Variants in RYR1 observed in about 807,000 individuals in gnomAD.
The protein encoded by RYR1 is ryanodine receptor 1.
A neutral mutation model predicts 583.5 loss-of-function variants in RYR1; 342 were observed. That is an observed-to-expected ratio of 0.59 (90% confidence interval 0.54 to 0.64). The LOEUF is 0.64. Ranked by LOEUF, RYR1 falls within the 30% of genes least tolerant of loss-of-function variation. The pLI, the probability that RYR1 is intolerant of heterozygous loss-of-function variation, is 0.00. For missense variants in RYR1, 6,032 were observed against 6,917.2 expected (o/e 0.87, Z 4.54); for synonymous variants, 2,791 against 2,822.5 (o/e 0.99, Z 0.35).
chr19:38,549,875 TTGTGTGTGTGTG>T (rs150566334), intron 89 of RYR1, among the ~76,000 whole-genome samples: 2,192 of 122,240 alleles, frequency 0.018, 54 homozygotes, highest in African/African-American at 0.057. Context: ...CCAGCTAAAT[TTGTGTGTGTGTG>T]TGTGTGTGTG....
chr19:38,526,837 G>T (rs560674539), intron 71 of RYR1, 156 bp from the exon 72 acceptor site: 2 of 720,240 alleles, frequency 2.8e-6, no homozygotes, highest in Admixed American at 4.3e-5. Flanking sequence ...TTCTGACCCC[G>T]TCAACCTCTG....
intron 67 of RYR1, among the ~76,000 whole-genome samples, chr19:38,521,064 C>T (rs1666125674): frequency 6.6e-6 from 1 of 151,972 alleles, no homozygotes; most frequent in African/African-American, 2.4e-5. Context: ...CACTTGAGCT[C>T]AGGAATTTGA....
At chr19:38,567,222 A>G (rs1973483814) in intron 92 of RYR1, among the ~76,000 whole-genome samples, 1 of 152,042 alleles carries the variant, frequency 6.6e-6, no homozygotes, top group Non-Finnish European at 1.5e-5. Flanking sequence ...GTGTGTGGGG[A>G]GGCTGAGGTG....
At position 38,502,800 on chromosome 19, in the gene RYR1, GGGGCAGGGGGAGGAGC is replaced by G. The variant is rs1970233014; in HGVS notation, c.7835+74_7836-64del. 2.3e-5 allele frequency: 25 copies of G among 1,075,444 alleles called. 1 individual carries two copies. The highest frequency in any genetic ancestry group is 1.5e-4 in the African/African-American group (6 of 40,692). The allele number at this position is 1,075,444 out of a possible 1,614,324, so 66.6% of individuals were successfully genotyped here. A position where few individuals can be genotyped will look rare whatever the true frequency, so the allele number is the denominator to read the frequency against. Reference sequence around the variant, plus strand: ...AGGGGCAGGGGCAGGGGCAGGGGCAGGGGCAGGGGGAGGAGCAGGGGCAGGGGCAGCAGAGCGGGCC... The same window carrying G: ...AGGGGCAGGGGCAGGGGCAGGGGCAGAGGGGCAGGGGCAGCAGAGCGGGCC... On this transcript the variant is annotated intron_variant, in intron 48 of 105. Transcript: ENST00000359596.
intron 71 of RYR1, 102 bp from the exon 72 acceptor site, chr19:38,526,891 A>C (rs1971489384): frequency 2.3e-6 from 3 of 1,297,296 alleles, no homozygotes; most frequent in East Asian, 2.3e-5. Context: ...CCCCAGAAAA[A>C]CCTCTTCAGT....
chr19:38,509,920 T>A (rs1268564391), intron 58 of RYR1, among the ~76,000 whole-genome samples: 1 of 151,658 alleles, frequency 6.6e-6, no homozygotes, highest in Admixed American at 6.6e-5. Flanking sequence ...TGTATTCAAG[T>A]TTAGAATGAA....
rs751301767 is a variant in RYR1 at position 38,502,918 on chromosome 19, G to T, written c.7874G>T (p.Arg2625Leu). Residue 2625 changes from arginine (R) to leucine (L), a missense_variant, in exon 49 of 106, where the codon CGC becomes CTC. By Grantham distance (102) the Arg-to-Leu change is moderately radical. Coordinates refer to ENST00000359596, the MANE Select transcript of RYR1 (RefSeq NM_000540.3). ...RPSMLQHLLRRLVFDVPILNE... is the reference protein window; with the variant it reads ...RPSMLQHLLRLLVFDVPILNE... ...TCGATGCTGCAGCACCTGTTGCGCC[G>T]CCTGGTGTTCGACGTGCCCATCCTC... 12 of 1,611,692 alleles carry T rather than the reference G, an allele frequency of 7.4e-6. No individual in the cohort carries two copies. Among genetic ancestry groups the T allele is most frequent in the Admixed American group, 1.7e-5 (1 of 60,010 alleles).
rs776830747 is a variant in RYR1, at chr19:38,494,522, G to A, written c.6445G>A (p.Val2149Met). ...PRAYTISPSS[V>M]EDTMSLLECL... ...GGCGTACACCATCTCACCGTCCTCC[G>A]TGGAAGACACCATGAGCCTGCTCGA... The change falls in exon 39 of 106, where the codon GTG becomes ATG. Residue 2149 changes from valine (V) to methionine (M), a missense_variant. Transcript: ENST00000359596. 1.4e-5 allele frequency: 22 copies of A among 1,613,754 alleles called. No individual in the cohort carries two copies. The highest frequency in any genetic ancestry group is 2.2e-5 in the East Asian group (1 of 44,898).
chr19:38,568,581 CA>C (rs59369147), intron 93 of RYR1, among the ~76,000 whole-genome samples: 9,969 of 64,898 alleles, frequency 0.15, 624 homozygotes, highest in African/African-American at 0.27. Flanking sequence ...ACTAAAAATA[CA>C]AAAAAAAAAA....
intron 9 of RYR1, among the ~76,000 whole-genome samples, chr19:38,447,502 T>C (rs1400463633): frequency 6.6e-6 from 1 of 151,100 alleles, no homozygotes; most frequent in Non-Finnish European, 1.5e-5. Context: ...GATTGCACCA[T>C]TGCATTCCAG....
chr19:38,543,742 T>TC lies in RYR1; in HGVS notation c.11908-22dup, dbSNP rs764320470. ...CCTGATCCCTTCTCGGGGATTCCCT[T>TC]CCCCCCCACACGGCACTCTGCCTCC... On this transcript the variant is annotated intron_variant, in intron 86 of 105. Coordinates refer to ENST00000359596, the MANE Select transcript of RYR1 (RefSeq NM_000540.3). The surrounding 1 kb of genome is among the most constrained non-coding windows in gnomAD (Gnocchi z 4.4). The TC allele has an allele frequency of 1.6e-5, 26 of 1,610,482 alleles. No individual in the cohort carries two copies. Among genetic ancestry groups the TC allele is most frequent in the African/African-American group, 1.1e-4 (8 of 74,666 alleles).
intron 97 of RYR1, among the ~76,000 whole-genome samples, chr19:38,577,416 A>G (rs1974006909): frequency 6.6e-6 from 1 of 152,180 alleles, no homozygotes; most frequent in Non-Finnish European, 1.5e-5. Flanking sequence ...ATCCCGTGTT[A>G]AACAAAACAG....
chr19:38,483,751 C>T lies in RYR1; in HGVS notation c.4934+235C>T, dbSNP rs1600763856. 6.6e-6 allele frequency among the ~76,000 whole-genome samples: 1 copy of T among 152,068 alleles called. No homozygotes were observed. The highest frequency in any genetic ancestry group is 1.9e-4 in the East Asian group (1 of 5,164). On this transcript the variant is annotated intron_variant, in intron 33 of 105. Transcript: ENST00000359596. The surrounding 1 kb of genome is among the most constrained non-coding windows in gnomAD (Gnocchi z 6.3). ...CCATCCCAGTGGACCGCAGGCCCAC[C>T]CTAAGGGAACCCAGACAATACCCCA...
intron 30 of RYR1, 54 bp downstream of exon 30, chr19:38,477,924 T>G: frequency 6.5e-7 from 1 of 1,539,462 alleles, no homozygotes; most frequent in Non-Finnish European, 8.9e-7. Flanking sequence ...CAGGAGGCAG[T>G]CAGAGCTCCC....
chr19:38,479,314 C>T (rs1380950338), intron 31 of RYR1, among the ~76,000 whole-genome samples: 2 of 152,234 alleles, frequency 1.3e-5, no homozygotes, highest in Non-Finnish European at 2.9e-5. Flanking sequence ...GGCTTTATCA[C>T]ATATTCACCT....
rs780109730 is a variant in RYR1, at chr19:38,570,686, T to A, written c.13739T>A (p.Phe4580Tyr). The A allele has an allele frequency of 1.6e-5, 26 of 1,613,620 alleles. 1 individual carries two copies. The South Asian group carries it at 2.5e-4, about 16-fold the overall frequency. Residue 4580 changes from phenylalanine to tyrosine, a missense_variant, in exon 94 of 106, where the codon TTT (phenylalanine) becomes TAT (tyrosine). Phe to Tyr is a conservative substitution (Grantham distance 22). Coordinates refer to ENST00000359596, the MANE Select transcript of RYR1 (RefSeq NM_000540.3). ...LAFAINFILL[F>Y]YKVSDSPPGE... ...TTTGCCATCAACTTCATCTTGCTGT[T>A]TTATAAGGTGCTGGTCCTGAAGGGC... is the stretch of plus-strand genomic sequence containing the variant.
intron 20 of RYR1, among the ~76,000 whole-genome samples, chr19:38,461,030 G>T (rs528296512): frequency 9.9e-4 from 150 of 152,144 alleles, no homozygotes; most frequent in Non-Finnish European, 1.9e-3. Context: ...GGTGGCAGGT[G>T]CCTGTAATCC....
Position 38,565,372 on chromosome 19 carries a change from T to G in RYR1, c.13038T>G (p.Ala4346=), listed in dbSNP as rs758223017. The change falls in exon 91 of 106, where the codon GCT becomes GCG. Residue 4346 remains alanine (A), a synonymous_variant. Transcript: ENST00000359596. This position sits in a 1 kb window ranked among gnomAD's most constrained non-coding sequence, Gnocchi z 4.7. ...LWAAVTRAGA[A]GAGAAAGALG... Reference sequence around the variant, plus strand: ...CAGCAGTGACGCGCGCTGGGGCCGCTGGCGCGGGGGCGGCGGCGGGCGCGC... The same window carrying G: ...CAGCAGTGACGCGCGCTGGGGCCGCGGGCGCGGGGGCGGCGGCGGGCGCGC... The G allele has an allele frequency of 7.5e-7, 1 of 1,328,850 alleles. No individual in the cohort carries two copies. Among genetic ancestry groups the G allele is most frequent in the Non-Finnish European group, 9.5e-7 (1 of 1,049,986 alleles). The allele number at this position is 1,328,850 out of a possible 1,614,324, so 82.3% of individuals were successfully genotyped here.
intron 78 of RYR1, 130 bp from the exon 79 acceptor site, chr19:38,534,590 A>T (rs1971882531): frequency 1.3e-6 from 1 of 769,794 alleles, no homozygotes; most frequent in Admixed American, 2.0e-5. Context: ...CAGGGGATGG[A>T]GGGAGCTCAT....
Sources: gnomAD v4.1 joint callset for allele counts (sites outside exome capture counted in the v4.1 genomes callset) on GRCh38, gnomAD v4.1.1 for gene constraint, Gnocchi (gnomAD v3.1) non-coding constraint, MANE v1.5 for transcripts, NCBI Gene and HGNC (gene_info 2026-07-23, HGNC 2026-07-21) for gene names.